The following LRMDA variants were observed in gnomAD, a reference collection of about 807,000 sequenced individuals.
LRMDA encodes leucine rich melanocyte differentiation associated, also known as leucine-rich melanocyte differentiation-associated protein.
LRMDA carries 18 observed loss-of-function variants against 29.8 expected under a neutral mutation model. That is an observed-to-expected ratio of 0.60 (90% confidence interval 0.42 to 0.90). The LOEUF (loss-of-function observed/expected upper bound fraction) is 0.90, where lower values mean the gene tolerates loss of function less well. Among genes scored for constraint, LRMDA ranks in the 40% least tolerant of loss-of-function variants. The probability of loss-of-function intolerance (pLI) is 0.00; values close to 1 mark genes in which losing one functional copy is unlikely to be tolerated. For synonymous variants in LRMDA, 125 were observed against 109.4 expected (o/e 1.14, Z -0.89); for missense variants, 273 against 273.9 (o/e 1.00, Z 0.02).
chr10:75,924,074 G>A (rs1846075410), intron 2 of LRMDA, among the ~76,000 whole-genome samples: 1 of 152,148 alleles, frequency 6.6e-6, no homozygotes, highest in African/African-American at 2.4e-5. Flanking sequence ...ATTTTCATAT[G>A]TGTCTCAGCT....
intron 2 of LRMDA, among the ~76,000 whole-genome samples, chr10:75,769,677 A>G (rs1843213945): frequency 6.6e-6 from 1 of 152,212 alleles, no homozygotes; most frequent in Non-Finnish European, 1.5e-5. Context: ...ATTTTAAAAA[A>G]ATTTTAACAT....
chr10:76,487,195 A>G (rs1842790848), intron 6 of LRMDA, among the ~76,000 whole-genome samples: 1 of 152,018 alleles, frequency 6.6e-6, no homozygotes, highest in Non-Finnish European at 1.5e-5. Flanking sequence ...TTGAATCTTG[A>G]TTCCTAGATT....
intron 2 of LRMDA, among the ~76,000 whole-genome samples, chr10:75,697,834 A>AGTGTGTGTGTGTGTGTGT (rs377639647): frequency 7.1e-4 from 94 of 132,142 alleles, no homozygotes; most frequent in African/African-American, 2.8e-3. Flanking sequence ...TGCATGTAAG[A>AGTGTGTGTGTGTGTGTGT]GTGTGTGTGT....
intron 2 of LRMDA, among the ~76,000 whole-genome samples, chr10:75,573,699 G>T (rs1840465059): frequency 6.6e-6 from 1 of 152,002 alleles, no homozygotes; most frequent in South Asian, 2.1e-4. Context: ...ACTTGTTTCA[G>T]ATTTAAAAAA....
intron 2 of LRMDA, among the ~76,000 whole-genome samples, chr10:75,721,191 C>T (rs1250266584): frequency 2.0e-5 from 3 of 152,126 alleles, no homozygotes; most frequent in African/African-American, 4.8e-5. Flanking sequence ...TCAAAGCCAT[C>T]CAAGCTCTGG....
chr10:76,116,993 CAAT>C (rs1849678352), intron 5 of LRMDA, among the ~76,000 whole-genome samples: 1 of 152,078 alleles, frequency 6.6e-6, no homozygotes. Flanking sequence ...TATGTTCACA[CAAT>C]AATAATAATA....
At chr10:76,080,954 C>A (rs572944882) in intron 5 of LRMDA, among the ~76,000 whole-genome samples, 1 of 152,218 alleles carries the variant, frequency 6.6e-6, no homozygotes, top group Admixed American at 6.5e-5. Context: ...CACCTTGACA[C>A]CTCCATCCAA....
At chr10:76,298,181 T>A (rs1422311473) in intron 5 of LRMDA, among the ~76,000 whole-genome samples, 1 of 152,220 alleles carries the variant, frequency 6.6e-6, no homozygotes, top group Non-Finnish European at 1.5e-5. Context: ...CAAGTAGAAC[T>A]GGTAAATCAT....
chr10:75,584,604 G>A lies in LRMDA; in HGVS notation c.131+146110G>A, dbSNP rs78937621. 8.3e-3 allele frequency among the ~76,000 whole-genome samples: 1,268 copies of A among 152,258 alleles called. 17 individuals carry two copies. Among genetic ancestry groups the A allele is most frequent in the African/African-American group, 0.029 (1,225 of 41,540 alleles). On this transcript the variant is annotated intron_variant, in intron 2 of 6. Coordinates refer to ENST00000611255, the MANE Select transcript of LRMDA (RefSeq NM_001305581.2). ...GAGTTTTGTTGGGCTAGTGAGGTCT[G>A]GGGTGGTCTCTTGAAGAAGGTAGCA...
At chr10:75,915,803 CT>C (rs1483174751) in intron 2 of LRMDA, among the ~76,000 whole-genome samples, 1 of 152,160 alleles carries the variant, frequency 6.6e-6, no homozygotes, top group Non-Finnish European at 1.5e-5. Flanking sequence ...TCAGCTAGCT[CT>C]GCAGGGGGAT....
chr10:75,443,198 C>CT (rs1183136079), intron 2 of LRMDA, among the ~76,000 whole-genome samples: 1 of 151,992 alleles, frequency 6.6e-6, no homozygotes, highest in Non-Finnish European at 1.5e-5. Flanking sequence ...CCTCCTATTT[C>CT]TTTTTTTGCC....
chr10:76,179,436 C>T (rs1851002860), intron 5 of LRMDA, among the ~76,000 whole-genome samples: 1 of 151,972 alleles, frequency 6.6e-6, no homozygotes, highest in Non-Finnish European at 1.5e-5. Context: ...ATGACCAGTT[C>T]CATAGCTGGC....
intron 2 of LRMDA, among the ~76,000 whole-genome samples, chr10:75,816,759 G>A (rs764924988): frequency 1.3e-5 from 2 of 152,158 alleles, no homozygotes; most frequent in South Asian, 2.1e-4. Flanking sequence ...GATGTATAGC[G>A]AGTCCTCATG....
intron 2 of LRMDA, among the ~76,000 whole-genome samples, chr10:75,457,454 T>C (rs1025175390): frequency 2.0e-5 from 3 of 152,158 alleles, no homozygotes; most frequent in African/African-American, 7.2e-5. Flanking sequence ...GGACTCGAGG[T>C]ATGGGTTCTC....
chr10:75,508,142 T>C (rs1845188848), intron 2 of LRMDA, among the ~76,000 whole-genome samples: 1 of 152,180 alleles, frequency 6.6e-6, no homozygotes, highest in African/African-American at 2.4e-5. Flanking sequence ...GTGGGGGTAA[T>C]GTTAATATGT....
rs189894767 is a variant in LRMDA at position 76,096,823 on chromosome 10, A to T, written c.516+38040A>T. Among the ~76,000 whole-genome samples, 27 of 152,090 alleles carry T rather than the reference A, an allele frequency of 1.8e-4. No homozygotes were observed. In the East Asian group the frequency reaches 4.5e-3, roughly 25 times the overall value. On this transcript the variant is annotated intron_variant, in intron 5 of 6. Transcript: ENST00000611255. ...ATAAATCTTGCTCATACTTTGTTAG[A>T]TTTGTACATAAATATTGTATGTGCT...
At chr10:76,237,810 A>G (rs549285978) in intron 5 of LRMDA, among the ~76,000 whole-genome samples, 106 of 34,756 alleles carry the variant, frequency 3.0e-3, no homozygotes, top group Non-Finnish European at 5.2e-3. Flanking sequence ...TTTTTTTTTT[A>G]AGATGGAGTC....
chr10:75,578,230 A>AAAAAAAAAAAAAAAAAC (rs1840535204), intron 2 of LRMDA, among the ~76,000 whole-genome samples: 1 of 145,350 alleles, frequency 6.9e-6, no homozygotes, highest in Non-Finnish European at 1.5e-5. Context: ...AAAAAAAAAA[A>AAAAAAAAAAAAAAAAAC]AAAAAAAAAG....
At chr10:75,894,568 T>A (rs528813558) in intron 2 of LRMDA, among the ~76,000 whole-genome samples, 1 of 152,330 alleles carries the variant, frequency 6.6e-6, no homozygotes, top group East Asian at 1.9e-4. Context: ...CAAAAGTAGA[T>A]CTACCCCCAG....
Sources: gnomAD v4.1 joint callset for allele counts (sites outside exome capture counted in the v4.1 genomes callset) on GRCh38, gnomAD v4.1.1 for gene constraint, MANE v1.5 for transcripts, NCBI Gene and HGNC (gene_info 2026-07-23, HGNC 2026-07-21) for gene names.